CFAP46: variants seen among roughly 807,000 people sequenced by gnomAD.
The protein encoded by CFAP46 is cilia- and flagella-associated protein 46.
Under a neutral mutation model 325.7 loss-of-function variants are expected in CFAP46, and 245 were observed. That is an observed-to-expected ratio of 0.75 (90% CI 0.68 to 0.84). The LOEUF (loss-of-function observed/expected upper bound fraction) is 0.84, where lower values mean the gene tolerates loss of function less well. Ranked by LOEUF, CFAP46 falls within the 40% of genes least tolerant of loss-of-function variation. The pLI is 0.00. For synonymous variants in CFAP46, 1,523 were observed against 1,495.9 expected (o/e 1.02, Z -0.42); for missense variants, 3,346 against 3,543.0 (o/e 0.94, Z 1.41).
intron 50 of CFAP46, among the ~76,000 whole-genome samples, chr10:132,822,228 CGG>C (rs1847867907): frequency 1.9e-4 from 16 of 85,052 alleles, no homozygotes; most frequent in East Asian, 3.9e-4. Flanking sequence ...GTGCTGTGTG[CGG>C]TGATGTGTGC....
chr10:132,902,353 G>A (rs1849403256), intron 22 of CFAP46, among the ~76,000 whole-genome samples: 1 of 127,240 alleles, frequency 7.9e-6, no homozygotes, highest in Non-Finnish European at 1.6e-5. Flanking sequence ...CCTGTGCTTC[G>A]GTTTTCATAG....
At chr10:132,864,257 G>C (rs554189126) in intron 35 of CFAP46, among the ~76,000 whole-genome samples, 75 of 99,072 alleles carry the variant, frequency 7.6e-4, no homozygotes, top group Admixed American at 3.2e-3. Context: ...CCCGTCCCCA[G>C]TGTCTGAGAC....
At position 132,919,203 on chromosome 10, in the gene CFAP46, G is replaced by A. The variant is rs906064838; in HGVS notation, c.1858+112C>T. ...TGCTACCATTGTGACTTAGCAATAC[G>A]CTTTCTCATGCGAAGGCCCCATGGG... On this transcript the variant is annotated intron_variant, in intron 15 of 57. Coordinates refer to ENST00000368586, the MANE Select transcript of CFAP46 (RefSeq NM_001200049.3). The surrounding 1 kb of genome is among the most constrained non-coding windows in gnomAD (Gnocchi z 9.7). 2.7e-5 allele frequency: 31 copies of A among 1,138,166 alleles called. No homozygotes were observed. The Admixed American group carries it at 6.4e-4, about 23-fold the overall frequency. The allele number at this position is 1,138,166 out of a possible 1,614,324, so 70.5% of individuals were successfully genotyped here.
At chr10:132,929,571 G>A (rs762474114) in intron 9 of CFAP46, 134 bp downstream of exon 9, 16 of 851,002 alleles carry the variant, frequency 1.9e-5, no homozygotes, top group South Asian at 6.6e-5. Context: ...TAGGAAAGAC[G>A]GCAATGTGCC....
chr10:132,872,526 T>G, intron 32 of CFAP46, 150 bp downstream of exon 32: 2 of 1,005,604 alleles, frequency 2.0e-6, no homozygotes, highest in South Asian at 1.5e-5. Context: ...AAAATACCAT[T>G]TTCATATTCA....
At chr10:132,873,679 C>T (rs375578903) in intron 31 of CFAP46, among the ~76,000 whole-genome samples, 2 of 152,018 alleles carry the variant, frequency 1.3e-5, no homozygotes, top group African/African-American at 2.4e-5. Flanking sequence ...AGGAGGAGGC[C>T]GTCCCCTCAG....
Position 132,832,724 on chromosome 10 carries a change from C to T in CFAP46, c.7117+634G>A. The stretch of plus-strand genomic sequence containing the variant: ...CCGGGGCACGTCTGCACAGCCAGCA[C>T]TCAGTCACAGAATGTCATCACCCCC... On this transcript the variant is annotated intron_variant, in intron 50 of 57. Transcript: ENST00000368586. The surrounding 1 kb of genome is among the most constrained non-coding windows in gnomAD (Gnocchi z 4.1). 1 of 470,706 alleles carries T rather than the reference C, an allele frequency of 2.1e-6. No homozygotes were observed. Among genetic ancestry groups the T allele is most frequent in the Non-Finnish European group, 4.4e-6 (1 of 226,594 alleles). The allele number at this position is 470,706 out of a possible 1,614,324, so 29.2% of individuals were successfully genotyped here.
intron 22 of CFAP46, among the ~76,000 whole-genome samples, chr10:132,905,778 T>C (rs1274589877): frequency 6.6e-6 from 1 of 152,214 alleles, no homozygotes; most frequent in African/African-American, 2.4e-5. Flanking sequence ...TCTCAGCATG[T>C]CCAGAGCCAG....
intron 23 of CFAP46, 22 bp downstream of exon 23, chr10:132,899,513 C>T: frequency 6.5e-7 from 1 of 1,536,068 alleles, no homozygotes; most frequent in Non-Finnish European, 8.8e-7. Context: ...AGAGCCCACC[C>T]CAGCCCCTTA....
chr10:132,821,372 C>A (rs1239277752), intron 50 of CFAP46, among the ~76,000 whole-genome samples: 1 of 114,756 alleles, frequency 8.7e-6, no homozygotes, highest in Non-Finnish European at 1.7e-5. Context: ...GTGCTGTGTG[C>A]TGTGTGTGCA....
At position 132,889,158 on chromosome 10, in the gene CFAP46, T is replaced by C. The variant is rs937498168; in HGVS notation, c.3304+3175A>G. 2.0e-5 allele frequency among the ~76,000 whole-genome samples: 3 copies of C among 151,912 alleles called. No homozygotes were observed. Among genetic ancestry groups the C allele is most frequent in the Non-Finnish European group, 4.4e-5 (3 of 67,994 alleles). On this transcript the variant is annotated intron_variant, in intron 25 of 57. Coordinates refer to ENST00000368586, the MANE Select transcript of CFAP46 (RefSeq NM_001200049.3). This position sits in a 1 kb window ranked among gnomAD's most constrained non-coding sequence, Gnocchi z 6.0. The stretch of plus-strand genomic sequence containing the variant: ...CAGGCCACAGTGCTGAGGGCTGGAG[T>C]CCGTGTCATCCTGCACCAGCCCCGT...
chr10:132,837,546 T>G (rs1591044617), intron 44 of CFAP46, among the ~76,000 whole-genome samples: 1 of 130,072 alleles, frequency 7.7e-6, no homozygotes, highest in Non-Finnish European at 1.6e-5. Flanking sequence ...CGTACACAGA[T>G]GCGCACACAC....
chr10:132,942,017 G>A lies in CFAP46; in HGVS notation c.137C>T (p.Pro46Leu). ...CTCTGCACACAGAACAAACAGGTCTGGGCTGAAGCTCTCTGAGGGGTCAAA... is the reference window on the plus strand; with the variant it reads ...CTCTGCACACAGAACAAACAGGTCTAGGCTGAAGCTCTCTGAGGGGTCAAA... ...SEFDPSESFSPDLFVLCAEQA... is the reference protein window; with the variant it reads ...SEFDPSESFSLDLFVLCAEQA... Residue 46 changes from proline to leucine, a missense_variant, in exon 2 of 58, where the codon CCA (proline) becomes CTA (leucine). Transcript: ENST00000368586. The A allele has an allele frequency of 6.4e-7, 1 of 1,551,766 alleles. No homozygotes were observed. Among genetic ancestry groups the A allele is most frequent in the Non-Finnish European group, 8.7e-7 (1 of 1,146,928 alleles).
chr10:132,913,657 C>T (rs551157156), intron 17 of CFAP46, among the ~76,000 whole-genome samples: 3 of 152,310 alleles, frequency 2.0e-5, no homozygotes, highest in African/African-American at 7.2e-5. Flanking sequence ...GCTGAAACCG[C>T]TGGGACGGCT....
intron 9 of CFAP46, 39 bp downstream of exon 9, chr10:132,929,664 AGC>A (rs1355481887): frequency 6.4e-7 from 1 of 1,550,508 alleles, no homozygotes; most frequent in Non-Finnish European, 8.9e-7. Context: ...CACGGTGAGC[AGC>A]GCCTCATCCC....
chr10:132,907,076 C>A (rs1849467407), intron 22 of CFAP46, among the ~76,000 whole-genome samples: 1 of 152,280 alleles, frequency 6.6e-6, no homozygotes. Context: ...CCGACACAGG[C>A]CCTGGAGCCG....
chr10:132,887,008 C>T (rs1037669847), intron 25 of CFAP46, among the ~76,000 whole-genome samples: 12 of 151,734 alleles, frequency 7.9e-5, no homozygotes, highest in African/African-American at 2.7e-4. Flanking sequence ...CTCTCTCTCT[C>T]GCCTCTCTCT....
Position 132,835,421 on chromosome 10 carries a change from C to T in CFAP46, c.6627G>A (p.Val2209=). The T allele has an allele frequency of 6.2e-7, 1 of 1,613,518 alleles. No individual in the cohort carries two copies. Among genetic ancestry groups the T allele is most frequent in the South Asian group, 1.1e-5 (1 of 91,078 alleles). ...KVQAVGGSCK[V]MRLAISPTAF... ...CAGTGGGACTTATGGCCAGACGCAT[C>T]ACCTTGCAGGAGCCTGTGGGGACAT... The change falls in exon 47 of 58, where the codon GTG becomes GTA. Residue 2209 remains valine, a synonymous_variant. Transcript: ENST00000368586.
chr10:132,867,902 G>A (rs72855755), intron 33 of CFAP46, among the ~76,000 whole-genome samples: 1 of 152,326 alleles, frequency 6.6e-6, no homozygotes, highest in Non-Finnish European at 1.5e-5. Flanking sequence ...GGGTCTTCAA[G>A]GTGTCTGCTA....
Sources: gnomAD v4.1 joint callset for allele counts (sites outside exome capture counted in the v4.1 genomes callset) on GRCh38, gnomAD v4.1.1 for gene constraint, Gnocchi (gnomAD v3.1) non-coding constraint, MANE v1.5 for transcripts, NCBI Gene and HGNC (gene_info 2026-07-23, HGNC 2026-07-21) for gene names.